PTPRA: variants seen among roughly 807,000 people sequenced by gnomAD.
PTPRA encodes the protein protein tyrosine phosphatase receptor type A.
In PTPRA, 25 loss-of-function variants were observed where a neutral mutation model predicts 104.8. That is an observed-to-expected ratio of 0.24 (90% CI 0.17 to 0.33). The LOEUF (loss-of-function observed/expected upper bound fraction) is 0.33, where lower values mean the gene tolerates loss of function less well. PTPRA is among the 10% of genes least tolerant of loss of function. PTPRA has a pLI of 1.00. For synonymous variants in PTPRA, 323 were observed against 368.9 expected, an observed-to-expected ratio of 0.88 and a Z score of 1.43; for missense variants, 765 against 1,015.3, an observed-to-expected ratio of 0.75 and a Z score of 3.35.
intron 6 of PTPRA, among the ~76,000 whole-genome samples, chr20:2,981,407 T>C (rs2062667832): frequency 6.6e-6 from 1 of 152,150 alleles, no homozygotes; most frequent in East Asian, 1.9e-4. Flanking sequence ...CACAAAGGCA[T>C]TTAGCAATGC....
chr20:2,871,230 A>G (rs2089423527), upstream of PTPRA, among the ~76,000 whole-genome samples: 1 of 152,122 alleles, frequency 6.6e-6, no homozygotes, highest in Non-Finnish European at 1.5e-5. Flanking sequence ...ATTTCCTGAG[A>G]ATGGGTTACT....
At chr20:2,882,689 T>C (rs2090128026) in intron 1 of PTPRA, among the ~76,000 whole-genome samples, 1 of 152,194 alleles carries the variant, frequency 6.6e-6, no homozygotes, top group Non-Finnish European at 1.5e-5. Context: ...AGAAGACATA[T>C]TTTTAATAGT....
chr20:2,896,190 C>T (rs1245758804), intron 1 of PTPRA, among the ~76,000 whole-genome samples: 1 of 151,990 alleles, frequency 6.6e-6, no homozygotes, highest in African/African-American at 2.4e-5. Context: ...GCCTGGCCAA[C>T]ATGGTGAAAC....
intron 2 of PTPRA, among the ~76,000 whole-genome samples, chr20:2,946,106 C>T (rs901802595): frequency 4.6e-5 from 7 of 152,036 alleles, no homozygotes; most frequent in Non-Finnish European, 1.0e-4. Context: ...TTAGCAGGGA[C>T]AGGTTTTGTT....
At chr20:2,937,252 G>A (rs1208750466) in intron 2 of PTPRA, among the ~76,000 whole-genome samples, 1 of 151,666 alleles carries the variant, frequency 6.6e-6, no homozygotes, top group African/African-American at 2.4e-5. Context: ...GCCCCTCCGA[G>A]TAGCTGGGAT....
At chr20:3,032,230 ATC>A (rs1210529790) in intron 20 of PTPRA, among the ~76,000 whole-genome samples, 1 of 152,134 alleles carries the variant, frequency 6.6e-6, no homozygotes, top group African/African-American at 2.4e-5. Context: ...GGGTTTCTGC[ATC>A]TCTCAATCCA....
At position 2,988,461 on chromosome 20, in the gene PTPRA, G is replaced by A; in HGVS notation, c.725G>A (p.Arg242Lys). ...RRMADDNKLF[R>K]EEFNALPACP... Reference sequence around the variant, plus strand: ...ATGGCAGACGACAATAAGCTCTTCAGGGAGGAATTCAACGTGAGTACTTTG... The same window carrying A: ...ATGGCAGACGACAATAAGCTCTTCAAGGAGGAATTCAACGTGAGTACTTTG... The change falls in exon 9 of 24, where the codon AGG (arginine) becomes AAG (lysine). Residue 242 changes from arginine (R) to lysine (K), a missense_variant. By Grantham distance (26) the Arg-to-Lys change is conservative. Transcript: ENST00000399903. 1.9e-6 allele frequency: 3 copies of A among 1,613,138 alleles called. No individual in the cohort carries two copies. The highest frequency in any genetic ancestry group is 2.5e-6 in the Non-Finnish European group (3 of 1,179,828).
chr20:2,965,267 TTG>T, intron 5 of PTPRA, 65 bp downstream of exon 5: 1 of 1,430,020 alleles, frequency 7.0e-7, no homozygotes, highest in Non-Finnish European at 9.4e-7. Context: ...ATTATCTTGT[TTG>T]TGTTTTCTAG....
intron 1 of PTPRA, among the ~76,000 whole-genome samples, chr20:2,909,664 C>T (rs140545869): frequency 6.7e-6 from 1 of 149,574 alleles, no homozygotes; most frequent in African/African-American, 2.5e-5. Flanking sequence ...ATGAGTGCAG[C>T]TACATTCTTT....
intron 5 of PTPRA, among the ~76,000 whole-genome samples, chr20:2,968,307 T>TAA (rs2062018706): frequency 6.6e-6 from 1 of 152,222 alleles, no homozygotes; most frequent in Non-Finnish European, 1.5e-5. Flanking sequence ...ACTGCTATCT[T>TAA]AATCCCTAAT....
chr20:2,971,780 T>C lies in PTPRA; in HGVS notation c.416-3435T>C, dbSNP rs111317027. ...GCCTGTTCAGGATCAATGAGAAAGA[T>C]CTGAATGATTTTTTTTCTCTTTTGG... On this transcript the variant is annotated intron_variant, in intron 5 of 23. Transcript: ENST00000399903. Among the ~76,000 whole-genome samples the C allele has an allele frequency of 6.7e-3, 1,024 of 152,270 alleles. 10 individuals are homozygous for C. Among genetic ancestry groups the C allele is most frequent in the African/African-American group, 0.023 (965 of 41,544 alleles).
At chr20:2,895,844 AATG>A (rs2058977820) in intron 1 of PTPRA, among the ~76,000 whole-genome samples, 2 of 152,036 alleles carry the variant, frequency 1.3e-5, no homozygotes, top group Admixed American at 1.3e-4. Flanking sequence ...ACCAATTTTT[AATG>A]TTCAGCACAA....
chr20:2,910,240 T>TATATAATATGTATTGTATATG (rs2059630136), intron 1 of PTPRA, among the ~76,000 whole-genome samples: 1 of 129,504 alleles, frequency 7.7e-6, no homozygotes, highest in Non-Finnish European at 1.5e-5. Flanking sequence ...TATTGTATAT[T>TATATAATATGTATTGTATATG]ATATATAATA....
intron 2 of PTPRA, among the ~76,000 whole-genome samples, chr20:2,934,837 A>C (rs2060633456): frequency 6.6e-6 from 1 of 151,912 alleles, no homozygotes; most frequent in Non-Finnish European, 1.5e-5. Flanking sequence ...ACACCCAGCT[A>C]ATTTTTGTAT....
rs376758213 is a variant in PTPRA, at chr20:3,000,159, G to A, written c.739-4897G>A. Among the ~76,000 whole-genome samples the A allele has an allele frequency of 7.2e-5, 11 of 151,968 alleles. No homozygotes were observed. The East Asian group carries it at 7.7e-4, about 11-fold the overall frequency. ...AAAAATTAGCCAGGTGTGGTGGCGG[G>A]CGCCTGTAATCCCAGCTACAGGGGA... On this transcript the variant is annotated intron_variant, in intron 9 of 23. Transcript: ENST00000399903.
At chr20:2,977,851 A>G (rs940269655) in intron 6 of PTPRA, among the ~76,000 whole-genome samples, 1 of 152,074 alleles carries the variant, frequency 6.6e-6, no homozygotes, top group Non-Finnish European at 1.5e-5. Context: ...ATATGTGAAC[A>G]TCAGGAACCG....
Position 3,022,622 on chromosome 20 carries a change from GC to G in PTPRA, c.1329-63del. The G allele has an allele frequency of 6.2e-7, 1 of 1,602,790 alleles. No homozygotes were observed. The highest frequency in any genetic ancestry group is 1.1e-5 in the South Asian group (1 of 89,476). On this transcript the variant is annotated intron_variant, in intron 15 of 23. Coordinates refer to ENST00000399903, the MANE Select transcript of PTPRA (RefSeq NM_001385305.1). This position sits in a 1 kb window ranked among gnomAD's most constrained non-coding sequence, Gnocchi z 4.6. ...TGAAGGAAGAGCCCCTGCCTGTGTTGCCCCTCCCTATCTGCTCCCACAAGGC... is the reference window on the plus strand; with the variant it reads ...TGAAGGAAGAGCCCCTGCCTGTGTTGCCCTCCCTATCTGCTCCCACAAGGC...
chr20:2,947,959 G>GT (rs2147756232), intron 2 of PTPRA, 23 bp from the exon 3 acceptor site: 1 of 1,038,932 alleles, frequency 9.6e-7, no homozygotes, highest in Admixed American at 2.5e-5. Flanking sequence ...CTAATTAACT[G>GT]TTTTTTATTT....
At chr20:2,913,735 CTTGA>C (rs1433420683) in intron 1 of PTPRA, among the ~76,000 whole-genome samples, 1 of 152,142 alleles carries the variant, frequency 6.6e-6, no homozygotes, top group African/African-American at 2.4e-5. Flanking sequence ...ACCTTGGTCA[CTTGA>C]TTAAGATTGT....
Sources: gnomAD v4.1 joint callset for allele counts (sites outside exome capture counted in the v4.1 genomes callset) on GRCh38, gnomAD v4.1.1 for gene constraint, Gnocchi (gnomAD v3.1) non-coding constraint, MANE v1.5 for transcripts, NCBI Gene and HGNC (gene_info 2026-07-23, HGNC 2026-07-21) for gene names.